Variants in UGGT2 observed in about 807,000 individuals in gnomAD.
UGGT2 encodes the protein UDP-glucose:glycoprotein glucosyltransferase 2.
UGGT2 carries 180 observed loss-of-function variants against 192.1 expected under a neutral mutation model. That is an observed-to-expected ratio of 0.94 (90% CI 0.83 to 1.06). The LOEUF is 1.06. Ranked by LOEUF, UGGT2 falls within the 50% of genes least tolerant of loss-of-function variation. The pLI is 0.00. For missense variants in UGGT2, 1,849 were observed against 1,795.7 expected, an observed-to-expected ratio of 1.03 and a Z score of -0.54; for synonymous variants, 580 against 591.0, an observed-to-expected ratio of 0.98 and a Z score of 0.27.
intron 38 of UGGT2, among the ~76,000 whole-genome samples, chr13:95,829,648 C>A (rs1054330038): frequency 3.3e-5 from 5 of 152,270 alleles, no homozygotes; most frequent in Admixed American, 2.6e-4. Context: ...GAACTACAAA[C>A]CACTGCTCAA....
chr13:95,900,699 C>G, intron 22 of UGGT2, 108 bp downstream of exon 22: 1 of 1,246,882 alleles, frequency 8.0e-7, no homozygotes, highest in Non-Finnish European at 1.1e-6. Context: ...CTCATGAACA[C>G]CGTCCTCTGT....
chr13:95,802,078 A>T (rs983124921), intron 38 of UGGT2, among the ~76,000 whole-genome samples: 2 of 152,196 alleles, frequency 1.3e-5, no homozygotes, highest in Non-Finnish European at 1.5e-5. Flanking sequence ...TACCTTACTT[A>T]TCTTTGTTAT....
chr13:95,994,650 T>G (rs1197745294), intron 7 of UGGT2, among the ~76,000 whole-genome samples: 1 of 152,004 alleles, frequency 6.6e-6, no homozygotes, highest in Non-Finnish European at 1.5e-5. Flanking sequence ...AAAAACTTCC[T>G]AAACAAGTAT....
intron 1 of UGGT2, among the ~76,000 whole-genome samples, chr13:96,039,849 T>C (rs2053116772): frequency 6.6e-6 from 1 of 152,232 alleles, no homozygotes; most frequent in Admixed American, 6.5e-5. Flanking sequence ...TCCAATATAA[T>C]GTCTCTCATT....
rs955374367 is a variant in UGGT2, at chr13:95,936,915, C to T, written c.1977+9G>A. ...TTCATCATGTATTTTCTTATAAATGCTTACCTACCAAAAAAACTTCTCTTT... is the reference window on the plus strand; with the variant it reads ...TTCATCATGTATTTTCTTATAAATGTTTACCTACCAAAAAAACTTCTCTTT... On this transcript the variant is annotated intron_variant, in intron 17 of 38. Transcript: ENST00000376747. 1.3e-6 allele frequency: 2 copies of T among 1,510,150 alleles called. No homozygotes were observed. Among genetic ancestry groups the T allele is most frequent in the Non-Finnish European group, 1.8e-6 (2 of 1,133,388 alleles). The allele number at this position is 1,510,150 out of a possible 1,614,324, so 93.5% of individuals were successfully genotyped here.
intron 22 of UGGT2, among the ~76,000 whole-genome samples, chr13:95,898,886 T>C (rs559413793): frequency 1.2e-4 from 18 of 152,284 alleles, no homozygotes; most frequent in Non-Finnish European, 2.4e-4. Flanking sequence ...TTTAATAGAT[T>C]TCTGAGATTA....
chr13:95,860,164 G>C, intron 32 of UGGT2, among the ~76,000 whole-genome samples: 1 of 151,834 alleles, frequency 6.6e-6, no homozygotes. Flanking sequence ...AAATATTTTT[G>C]AGTTATTCTC....
At chr13:95,871,861 C>T (rs543558987) in intron 29 of UGGT2, among the ~76,000 whole-genome samples, 2 of 152,250 alleles carry the variant, frequency 1.3e-5, no homozygotes, top group South Asian at 4.2e-4. Flanking sequence ...TTTAAGAGTC[C>T]GCAGAGAGTG....
chr13:95,801,658 T>C lies in UGGT2; in HGVS notation c.*132A>G, dbSNP rs1010242977. 9.8e-5 allele frequency: 82 copies of C among 834,598 alleles called. No individual in the cohort carries two copies. Among genetic ancestry groups the C allele is most frequent in the Non-Finnish European group, 1.3e-4 (69 of 547,578 alleles). The allele number at this position is 834,598 out of a possible 1,614,324, so 51.7% of individuals were successfully genotyped here. ...AAATAACTGTTTTAAATAATTACAA[T>C]TTTTTAAAATTAAAGAATATGTCAC... On this transcript the variant is annotated 3_prime_UTR_variant, in exon 39 of 39. Transcript: ENST00000376747.
chr13:95,970,255 C>T lies in UGGT2; in HGVS notation c.1192G>A (p.Asp398Asn). 1 of 1,608,654 alleles carries T rather than the reference C, an allele frequency of 6.2e-7. No individual in the cohort carries two copies. Among genetic ancestry groups the T allele is most frequent in the East Asian group, 2.2e-5 (1 of 44,734 alleles). Residue 398 changes from aspartate to asparagine, a missense_variant, in exon 12 of 39, where the codon GAT (aspartate) becomes AAT (asparagine). Physicochemically the swap from Asp to Asn is conservative, Grantham distance 23. Transcript: ENST00000376747. ...MDVYDAFSIL[D>N]MLKLEGKMMN... The stretch of plus-strand genomic sequence containing the variant: ...ATTTTTCCTTCTAATTTCAGCATAT[C>T]CAAAATACTATATATTCAAAGAAAA...
At chr13:95,847,609 C>A (rs985061233) in intron 36 of UGGT2, among the ~76,000 whole-genome samples, 2 of 152,110 alleles carry the variant, frequency 1.3e-5, no homozygotes, top group Admixed American at 1.3e-4. Context: ...ATTTAAAGTT[C>A]TTCCTTGTCT....
chr13:95,992,831 T>A (rs2051499740), intron 7 of UGGT2, among the ~76,000 whole-genome samples: 3 of 152,316 alleles, frequency 2.0e-5, no homozygotes, highest in South Asian at 4.1e-4. Context: ...GGTGGAAATG[T>A]AAATTAGATC....
intron 29 of UGGT2, among the ~76,000 whole-genome samples, chr13:95,870,945 C>A (rs1891162911): frequency 6.6e-6 from 1 of 152,214 alleles, no homozygotes; most frequent in South Asian, 2.1e-4. Flanking sequence ...TGCCATAGGG[C>A]AATGCAGCAA....
At chr13:95,903,600 T>A (rs1475327370) in intron 20 of UGGT2, among the ~76,000 whole-genome samples, 1 of 132,810 alleles carries the variant, frequency 7.5e-6, no homozygotes, top group East Asian at 2.1e-4. Context: ...TTATTTTGTG[T>A]TCTTTCCCCA....
intron 35 of UGGT2, 129 bp from the exon 36 acceptor site, chr13:95,853,786 T>G: frequency 1.8e-6 from 1 of 563,056 alleles, no homozygotes; most frequent in Non-Finnish European, 2.9e-6. Context: ...AATTAATCCT[T>G]TCATAAATTT....
At chr13:95,929,258 T>G (rs1465225780) in intron 17 of UGGT2, among the ~76,000 whole-genome samples, 1 of 152,226 alleles carries the variant, frequency 6.6e-6, no homozygotes, top group Admixed American at 6.5e-5. Context: ...GATGCAATTA[T>G]GCCTAAGATA....
At chr13:96,017,339 T>A (rs749742632) in intron 4 of UGGT2, among the ~76,000 whole-genome samples, 17 of 152,130 alleles carry the variant, frequency 1.1e-4, no homozygotes, top group Non-Finnish European at 2.2e-4. Context: ...CATGTTGAAA[T>A]GCAATTCCCA....
At chr13:95,827,401 GAC>G (rs1416745681) in intron 38 of UGGT2, among the ~76,000 whole-genome samples, 1 of 152,084 alleles carries the variant, frequency 6.6e-6, no homozygotes, top group African/African-American at 2.4e-5. Context: ...ACTGAACAAG[GAC>G]AGAGAATGTG....
chr13:96,027,074 C>T (rs2052692936), intron 2 of UGGT2, among the ~76,000 whole-genome samples: 1 of 151,958 alleles, frequency 6.6e-6, no homozygotes, highest in Non-Finnish European at 1.5e-5. Flanking sequence ...GATTCGTGTT[C>T]AACAGTAAAA....
Sources: allele counts gnomAD v4.1 joint callset (sites outside exome capture counted in the v4.1 genomes callset), GRCh38; gene constraint gnomAD v4.1.1; transcripts MANE v1.5; gene names NCBI Gene and HGNC (gene_info 2026-07-23, HGNC 2026-07-21).